The following STIM1 variants were observed in gnomAD, a reference collection of about 807,000 sequenced individuals.
The protein encoded by STIM1 is stromal interaction molecule 1.
A neutral mutation model predicts 74.7 loss-of-function variants in STIM1; 25 were observed. That is an observed-to-expected ratio of 0.33 (90% CI 0.24 to 0.47). The LOEUF (loss-of-function observed/expected upper bound fraction) is 0.47, where lower values mean the gene tolerates loss of function less well. Among genes scored for constraint, STIM1 ranks in the 20% least tolerant of loss-of-function variants. STIM1 has a pLI of 1.00. For missense variants in STIM1, 728 were observed against 920.8 expected (o/e 0.79, Z 2.71); for synonymous variants, 328 against 348.8 (o/e 0.94, Z 0.66).
At chr11:4,051,873 A>G (rs1380960948) in intron 3 of STIM1, among the ~76,000 whole-genome samples, 1 of 152,294 alleles carries the variant, frequency 6.6e-6, no homozygotes, top group East Asian at 1.9e-4. Context: ...TCTCAGCCCA[A>G]AATCTCCTTA....
chr11:3,950,134 ATTTTT>A (rs574446467), intron 1 of STIM1, among the ~76,000 whole-genome samples: 1 of 132,206 alleles, frequency 7.6e-6, no homozygotes, highest in East Asian at 2.2e-4. Flanking sequence ...TAGGTCATTC[ATTTTT>A]TTTTTTTTTT....
At chr11:3,981,804 AGGAAAG>A (rs1186879394) in intron 2 of STIM1, among the ~76,000 whole-genome samples, 3 of 152,230 alleles carry the variant, frequency 2.0e-5, no homozygotes, top group Non-Finnish European at 4.4e-5. Context: ...TTAAAATGAT[AGGAAAG>A]ACTTTAAGAA....
intron 1 of STIM1, among the ~76,000 whole-genome samples, chr11:3,861,318 C>T (rs1461547445): frequency 6.6e-6 from 1 of 151,672 alleles, no homozygotes; most frequent in Non-Finnish European, 1.5e-5. Flanking sequence ...ACTGCAAGCT[C>T]CACCTCCCAG....
chr11:4,078,695 C>T (rs370045107), intron 7 of STIM1, among the ~76,000 whole-genome samples: 12 of 151,964 alleles, frequency 7.9e-5, no homozygotes, highest in South Asian at 2.1e-4. Flanking sequence ...CTCAGCCTCC[C>T]GAAAAGCTGG....
chr11:3,916,711 C>T (rs1281159263), intron 1 of STIM1, among the ~76,000 whole-genome samples: 1 of 152,180 alleles, frequency 6.6e-6, no homozygotes. Flanking sequence ...CTCAGCCTCC[C>T]AAAGTGCTGG....
intron 2 of STIM1, among the ~76,000 whole-genome samples, chr11:3,986,214 A>T (rs1373449488): frequency 6.6e-6 from 1 of 152,252 alleles, no homozygotes; most frequent in East Asian, 1.9e-4. Context: ...TGAGCCCTGC[A>T]TGCTCTGGAA....
intron 7 of STIM1, among the ~76,000 whole-genome samples, chr11:4,077,816 G>C (rs577850523): frequency 1.3e-5 from 2 of 152,198 alleles, no homozygotes; most frequent in East Asian, 3.9e-4. Flanking sequence ...CCCATCCAGT[G>C]GGTTCCTACT....
chr11:4,082,446 C>T, intron 8 of STIM1, 95 bp downstream of exon 8: 2 of 1,299,858 alleles, frequency 1.5e-6, no homozygotes, highest in East Asian at 5.0e-5. Flanking sequence ...CCTGTTCCTC[C>T]CATTGGGTGA....
intron 2 of STIM1, among the ~76,000 whole-genome samples, chr11:3,978,230 C>T (rs1186359590): frequency 6.6e-6 from 1 of 150,930 alleles, no homozygotes; most frequent in Non-Finnish European, 1.5e-5. Flanking sequence ...CTTACCGCAA[C>T]CTCCGCCTCC....
intron 6 of STIM1, among the ~76,000 whole-genome samples, chr11:4,072,136 A>G (rs1449975788): frequency 6.6e-6 from 1 of 152,198 alleles, no homozygotes; most frequent in Non-Finnish European, 1.5e-5. Context: ...CTAAGCTCCC[A>G]GCACTCCCTG....
chr11:4,035,535 T>G (rs1467371223), intron 3 of STIM1, among the ~76,000 whole-genome samples: 1 of 152,150 alleles, frequency 6.6e-6, no homozygotes, highest in Non-Finnish European at 1.5e-5. Flanking sequence ...TGTGCTTTTT[T>G]TTTTGACTTA....
chr11:3,973,924 G>T lies in STIM1; in HGVS notation c.270+6242G>T, dbSNP rs369626265. ...AAATTTAAAATGTATCTTTTTTAAA[G>T]CCCCCAACAAATATCCTTTTCATAG... On this transcript the variant is annotated intron_variant, in intron 2 of 12. Coordinates refer to ENST00000526596, the MANE Select transcript of STIM1 (RefSeq NM_001382567.1). The T allele has an allele frequency of 2.8e-4, 138 of 499,762 alleles. 1 individual carries two copies. The South Asian group carries it at 3.1e-3, about 11-fold the overall frequency. The allele number at this position is 499,762 out of a possible 1,614,324, so 31.0% of individuals were successfully genotyped here. A position where few individuals can be genotyped will look rare whatever the true frequency, so the allele number is the denominator to read the frequency against.
intron 1 of STIM1, among the ~76,000 whole-genome samples, chr11:3,959,064 C>T (rs955663380): frequency 2.0e-5 from 3 of 152,096 alleles, no homozygotes; most frequent in Admixed American, 1.3e-4. Flanking sequence ...ACTTCATGGT[C>T]CTTGACCAAA....
chr11:4,043,697 T>C (rs1215384209), intron 3 of STIM1, among the ~76,000 whole-genome samples: 1 of 152,210 alleles, frequency 6.6e-6, no homozygotes, highest in East Asian at 1.9e-4. Context: ...AAAGCTTTTT[T>C]TTTACAGGTA....
In STIM1 at chr11:3,861,748, T is replaced by C. The variant is rs183699791; in HGVS notation, c.139+5339T>C. Among the ~76,000 whole-genome samples the C allele has an allele frequency of 5.3e-5, 8 of 152,288 alleles. No homozygotes were observed. In the East Asian group the frequency reaches 1.5e-3, roughly 29 times the overall value. On this transcript the variant is annotated intron_variant, in intron 1 of 12. Transcript: ENST00000526596. Reference sequence around the variant, plus strand: ...ATTGAAAACAAAGATGTAATTTCATTCCCATCCAAATTCACAGGCCTCCTG... The same window carrying C: ...ATTGAAAACAAAGATGTAATTTCATCCCCATCCAAATTCACAGGCCTCCTG...
chr11:4,068,178 A>G (rs910968000), intron 5 of STIM1, among the ~76,000 whole-genome samples: 2 of 152,202 alleles, frequency 1.3e-5, no homozygotes, highest in African/African-American at 4.8e-5. Context: ...TTGGTTATTC[A>G]GTATTCTTAT....
intron 1 of STIM1, among the ~76,000 whole-genome samples, chr11:3,960,189 A>G (rs923624629): frequency 6.6e-6 from 1 of 152,160 alleles, no homozygotes; most frequent in African/African-American, 2.4e-5. Context: ...CATTAGTTGA[A>G]AGAATACTTG....
chr11:4,011,434 C>T (rs1009346086), intron 2 of STIM1, among the ~76,000 whole-genome samples: 2 of 152,152 alleles, frequency 1.3e-5, no homozygotes, highest in Non-Finnish European at 2.9e-5. Context: ...GATAGTATCT[C>T]ATTGTGATTT....
intron 6 of STIM1, among the ~76,000 whole-genome samples, chr11:4,073,762 T>C (rs1356889891): frequency 6.6e-6 from 1 of 152,182 alleles, no homozygotes; most frequent in Non-Finnish European, 1.5e-5. Flanking sequence ...ACTCATGCCC[T>C]TGAGATCTTA....
Sources: gnomAD v4.1 joint callset for allele counts (sites outside exome capture counted in the v4.1 genomes callset) on GRCh38, gnomAD v4.1.1 for gene constraint, MANE v1.5 for transcripts, NCBI Gene and HGNC (gene_info 2026-07-23, HGNC 2026-07-21) for gene names.